The following CATSPERE variants were observed in gnomAD, a reference collection of about 807,000 sequenced individuals.
CATSPERE encodes catsper channel auxiliary subunit epsilon, also known as cation channel sperm-associated auxiliary subunit epsilon.
A neutral mutation model predicts 114.1 loss-of-function variants in CATSPERE; 93 were observed. The observed-to-expected ratio is 0.81, with a 90% confidence interval of 0.69 to 0.97. The LOEUF (loss-of-function observed/expected upper bound fraction) is 0.97. Among genes scored for constraint, CATSPERE ranks in the 50% least tolerant of loss-of-function variants. The pLI, the probability that CATSPERE is intolerant of heterozygous loss-of-function variation, is 0.00. For missense variants in CATSPERE, 1,058 were observed against 1,131.6 expected, an observed-to-expected ratio of 0.93 and a Z score of 0.93; for synonymous variants, 341 against 384.1, an observed-to-expected ratio of 0.89 and a Z score of 1.31.
chr1:244,612,205 G>C (rs929856465), intron 19 of CATSPERE, among the ~76,000 whole-genome samples: 6 of 152,134 alleles, frequency 3.9e-5, no homozygotes, highest in African/African-American at 1.4e-4. Flanking sequence ...GCAAAGACTA[G>C]TTATGTCCTC....
chr1:244,512,652 G>T (rs1675960109), intron 7 of CATSPERE, among the ~76,000 whole-genome samples: 1 of 151,980 alleles, frequency 6.6e-6, no homozygotes, highest in Non-Finnish European at 1.5e-5. Context: ...CATGTTTCTT[G>T]TGTCTTGCAC....
At chr1:244,491,123 A>C (rs370050895) in intron 6 of CATSPERE, among the ~76,000 whole-genome samples, 105 of 152,180 alleles carry the variant, frequency 6.9e-4, no homozygotes, top group Middle Eastern at 6.8e-3. Context: ...ACTCTCCACC[A>C]CAAATCAACA....
intron 9 of CATSPERE, among the ~76,000 whole-genome samples, chr1:244,553,063 A>G (rs948982291): frequency 2.6e-5 from 4 of 152,144 alleles, no homozygotes; most frequent in Admixed American, 6.5e-5. Context: ...GCTTTGTTTT[A>G]CCTTGATATG....
Position 244,472,974 on chromosome 1 carries a change from C to G in CATSPERE, c.115-4567C>G, listed in dbSNP as rs567628086. On this transcript the variant is annotated intron_variant, in intron 2 of 21. Transcript: ENST00000366534. The stretch of plus-strand genomic sequence containing the variant: ...CTTGATAGCTCGTTTCATTTTAGCA[C>G]TGAGTAATACTCTATTGTCTGGATG... Among the ~76,000 whole-genome samples, 418 of 152,286 alleles carry G rather than the reference C, an allele frequency of 2.7e-3. 1 individual carries two copies. Among genetic ancestry groups the G allele is most frequent in the African/African-American group, 8.4e-3 (348 of 41,550 alleles).
At chr1:244,596,136 A>G (rs896409809) in intron 17 of CATSPERE, among the ~76,000 whole-genome samples, 12 of 152,192 alleles carry the variant, frequency 7.9e-5, no homozygotes, top group African/African-American at 2.9e-4. Context: ...AAAACCAGCT[A>G]GCACTTGGAA....
chr1:244,491,365 A>G (rs1435713544), intron 6 of CATSPERE, among the ~76,000 whole-genome samples: 2 of 152,172 alleles, frequency 1.3e-5, no homozygotes, highest in African/African-American at 4.8e-5. Context: ...AACGAAATGA[A>G]GGCAGAAATA....
chr1:244,552,207 A>G, intron 8 of CATSPERE, 115 bp from the exon 9 acceptor site: 2 of 1,309,020 alleles, frequency 1.5e-6, no homozygotes, highest in Non-Finnish European at 1.0e-6. Flanking sequence ...TATTTGTCTT[A>G]TCCAGATTTG....
At chr1:244,621,082 T>A (rs1361672855) in intron 20 of CATSPERE, among the ~76,000 whole-genome samples, 2 of 71,114 alleles carry the variant, frequency 2.8e-5, no homozygotes, top group Admixed American at 2.1e-4. Flanking sequence ...AATATATATA[T>A]AAATATATAT....
chr1:244,497,182 T>C (rs992492517), intron 6 of CATSPERE, among the ~76,000 whole-genome samples: 1 of 152,230 alleles, frequency 6.6e-6, no homozygotes, highest in African/African-American at 2.4e-5. Context: ...GAGACCTTTC[T>C]AACTATATCA....
chr1:244,487,320 C>G lies in CATSPERE; in HGVS notation c.327-3127C>G, dbSNP rs1177012767. ...GGTGGGTGGTTCAACATGTGCACAG[C>G]CCACCAGCCGCCATATTTCCCTTCT... is the stretch of plus-strand genomic sequence containing the variant. On this transcript the variant is annotated intron_variant, in intron 5 of 21. Coordinates refer to ENST00000366534, the MANE Select transcript of CATSPERE (RefSeq NM_001130957.2). Among the ~76,000 whole-genome samples, 3 of 152,102 alleles carry G rather than the reference C, an allele frequency of 2.0e-5. 1 individual carries two copies. Among genetic ancestry groups the G allele is most frequent in the African/African-American group, 7.2e-5 (3 of 41,398 alleles).
chr1:244,636,104 T>C (rs576058635), intron 21 of CATSPERE, among the ~76,000 whole-genome samples: 1 of 152,322 alleles, frequency 6.6e-6, no homozygotes, highest in African/African-American at 2.4e-5. Context: ...GCTCTAAGCC[T>C]GGGTCAGCTT....
At chr1:244,602,543 C>G (rs959661040) in intron 17 of CATSPERE, among the ~76,000 whole-genome samples, 4 of 152,180 alleles carry the variant, frequency 2.6e-5, no homozygotes, top group African/African-American at 9.7e-5. Context: ...GACTGACTGT[C>G]CAACACTCAT....
At chr1:244,477,790 TA>T in intron 3 of CATSPERE, 115 bp from the exon 4 acceptor site, 1 of 991,538 alleles carries the variant, frequency 1.0e-6, no homozygotes, top group Non-Finnish European at 1.5e-6. Flanking sequence ...TGCAAATATT[TA>T]AAAATATCTC....
intron 7 of CATSPERE, among the ~76,000 whole-genome samples, chr1:244,517,569 C>T (rs559174146): frequency 2.0e-5 from 3 of 151,886 alleles, no homozygotes; most frequent in East Asian, 1.9e-4. Context: ...GTCAGGAGTT[C>T]GAGACCAGCC....
chr1:244,555,382 CAA>C (rs760097677), intron 9 of CATSPERE, among the ~76,000 whole-genome samples: 6,358 of 84,422 alleles, frequency 0.075, 165 homozygotes, highest in Middle Eastern at 0.12. Flanking sequence ...GACTCCATCC[CAA>C]AAAAAAAAAA....
chr1:244,626,380 G>A (rs1673190181), intron 20 of CATSPERE, among the ~76,000 whole-genome samples: 3 of 151,588 alleles, frequency 2.0e-5, no homozygotes, highest in Admixed American at 1.3e-4. Context: ...AGCTACCTGG[G>A]AGGCTGAGGC....
At chr1:244,543,005 G>C (rs1011130525) in intron 8 of CATSPERE, among the ~76,000 whole-genome samples, 1 of 152,184 alleles carries the variant, frequency 6.6e-6, no homozygotes. Context: ...TCCCTGGTAC[G>C]TTGTTGTTGG....
intron 2 of CATSPERE, among the ~76,000 whole-genome samples, chr1:244,471,062 T>C (rs998858141): frequency 1.3e-5 from 2 of 152,006 alleles, no homozygotes; most frequent in African/African-American, 4.8e-5. Flanking sequence ...TTTTGTGGAG[T>C]GTTGAATATG....
intron 8 of CATSPERE, among the ~76,000 whole-genome samples, chr1:244,530,508 G>A (rs968786659): frequency 6.6e-6 from 1 of 151,976 alleles, no homozygotes; most frequent in Non-Finnish European, 1.5e-5. Context: ...CTGGGTCTTT[G>A]GTGGGTTCTG....
Sources: gnomAD v4.1 joint callset for allele counts (sites outside exome capture counted in the v4.1 genomes callset) on GRCh38, gnomAD v4.1.1 for gene constraint, MANE v1.5 for transcripts, NCBI Gene and HGNC (gene_info 2026-07-23, HGNC 2026-07-21) for gene names.